Variants in PLD5 observed in about 807,000 individuals in gnomAD.
PLD5 encodes the protein inactive phospholipase D5.
A neutral mutation model predicts 61.1 loss-of-function variants in PLD5; 36 were observed. The ratio of observed to expected loss-of-function variants is 0.59; its 90% CI spans 0.45 to 0.78. The LOEUF (loss-of-function observed/expected upper bound fraction) is 0.78. Ranked by LOEUF, PLD5 falls within the 30% of genes least tolerant of loss-of-function variation. PLD5 has a pLI of 0.00. For synonymous variants in PLD5, 243 were observed against 242.8 expected (o/e 1.00, Z -0.01); for missense variants, 515 against 644.4 (o/e 0.80, Z 2.17).
chr1:242,422,078 A>G (rs907487387), intron 1 of PLD5, among the ~76,000 whole-genome samples: 2 of 152,184 alleles, frequency 1.3e-5, no homozygotes, highest in Non-Finnish European at 2.9e-5. Flanking sequence ...TCTGCTTCCT[A>G]AGTATTTTTA....
Position 242,524,173 on chromosome 1 carries a change from C to A in PLD5, c.104G>T (p.Arg35Leu), listed in dbSNP as rs1669368598. 6.5e-7 allele frequency: 1 copy of A among 1,535,426 alleles called. No individual in the cohort carries two copies. Among genetic ancestry groups the A allele is most frequent in the Non-Finnish European group, 8.7e-7 (1 of 1,146,530 alleles). ...RPKEPSPSLT[R>L]VGANFYSSVK... ...GCTGCTGTAGAAGTTCGCGCCCACT[C>A]GGGTCAGGCTTGGGGAGGGCTCCTT... The change falls in exon 1 of 10, where the codon CGA becomes CTA. Residue 35 changes from arginine to leucine, a missense_variant. Physicochemically the swap from Arg to Leu is moderately radical, Grantham distance 102 (BLOSUM62 -2). Around this residue, in one of 2 missense-constraint regions of PLD5, gnomAD observed 65 missense variants for 46.3 expected, o/e 1.40. Transcript: ENST00000536534.
At chr1:242,368,906 CTT>C (rs770219623) in intron 1 of PLD5, among the ~76,000 whole-genome samples, 139 of 152,288 alleles carry the variant, frequency 9.1e-4, no homozygotes, top group East Asian at 1.3e-3. Flanking sequence ...GCCGAGGACT[CTT>C]TTGCCCTCAC....
At chr1:242,339,568 T>C (rs1318337269) in intron 2 of PLD5, among the ~76,000 whole-genome samples, 1 of 152,222 alleles carries the variant, frequency 6.6e-6, no homozygotes, top group African/African-American at 2.4e-5. Context: ...CCCTTGAGTC[T>C]CTGCCAAAAT....
chr1:242,301,847 G>T (rs1676063857), intron 2 of PLD5, among the ~76,000 whole-genome samples: 1 of 150,924 alleles, frequency 6.6e-6, no homozygotes, highest in South Asian at 2.1e-4. Context: ...GTGAGATCTT[G>T]GCTCACTGCA....
intron 4 of PLD5, among the ~76,000 whole-genome samples, chr1:242,241,910 T>TATATATACAC (rs1210639780): frequency 1.2e-4 from 6 of 50,400 alleles, no homozygotes; most frequent in Non-Finnish European, 1.9e-4. Context: ...TATATATATA[T>TATATATACAC]ACTTACTGTA....
chr1:242,349,386 C>A (rs912226851), intron 1 of PLD5, among the ~76,000 whole-genome samples: 1 of 152,224 alleles, frequency 6.6e-6, no homozygotes, highest in Non-Finnish European at 1.5e-5. Context: ...GCAAGTCCAG[C>A]TCCCACTTCT....
chr1:242,414,448 T>A (rs1173471418), intron 1 of PLD5, among the ~76,000 whole-genome samples: 2 of 152,118 alleles, frequency 1.3e-5, no homozygotes, highest in African/African-American at 4.8e-5. Flanking sequence ...ACATGAATAA[T>A]TTTCAAGTCA....
intron 6 of PLD5, among the ~76,000 whole-genome samples, chr1:242,123,998 G>T (rs898449866): frequency 6.6e-6 from 1 of 152,140 alleles, no homozygotes; most frequent in African/African-American, 2.4e-5. Context: ...GCTTTTGTCT[G>T]ATCTATACAC....
intron 1 of PLD5, among the ~76,000 whole-genome samples, chr1:242,503,765 C>T (rs1251377180): frequency 1.3e-5 from 2 of 152,116 alleles, no homozygotes; most frequent in Admixed American, 1.3e-4. Context: ...CAAGTGCTCT[C>T]TTTTGGCCTT....
intron 1 of PLD5, among the ~76,000 whole-genome samples, chr1:242,470,126 G>T (rs867657061): frequency 1.3e-4 from 20 of 152,190 alleles, no homozygotes; most frequent in Middle Eastern, 3.4e-3. Context: ...CGGATCACGA[G>T]GTCAGGAGAT....
At chr1:242,459,878 A>G (rs1013398196) in intron 1 of PLD5, among the ~76,000 whole-genome samples, 1 of 152,128 alleles carries the variant, frequency 6.6e-6, no homozygotes, top group South Asian at 2.1e-4. Flanking sequence ...TATGGATAAG[A>G]TAGGGCTATA....
intron 1 of PLD5, among the ~76,000 whole-genome samples, chr1:242,514,449 G>T (rs1365557825): frequency 6.6e-6 from 1 of 152,112 alleles, no homozygotes; most frequent in African/African-American, 2.4e-5. Context: ...CTAAACAATT[G>T]CTCCTGGAAG....
In PLD5 at chr1:242,256,539, C is replaced by T. The variant is rs1673027037; in HGVS notation, c.607+8798G>A. On this transcript the variant is annotated intron_variant, in intron 4 of 9. Coordinates refer to ENST00000536534, the MANE Select transcript of PLD5 (RefSeq NM_001372062.1). The surrounding 1 kb of genome is among the most constrained non-coding windows in gnomAD (Gnocchi z 5.7). ...CTTTTGTGCCCTTCTGTCTTATCCG[C>T]CACGTGAGGACACAGCGTTTGTTCC... is the stretch of plus-strand genomic sequence containing the variant. 6.6e-6 allele frequency among the ~76,000 whole-genome samples: 1 copy of T among 152,126 alleles called. No individual in the cohort carries two copies. The highest frequency in any genetic ancestry group is 1.9e-4 in the East Asian group (1 of 5,194).
chr1:242,463,707 A>G (rs11589847), intron 1 of PLD5, among the ~76,000 whole-genome samples: 68,002 of 151,620 alleles, frequency 0.45, 17,223 homozygotes, highest in African/African-American at 0.69. Flanking sequence ...GCCTCTACTT[A>G]TACCCGTATC....
intron 1 of PLD5, among the ~76,000 whole-genome samples, chr1:242,431,928 A>C (rs1665741407): frequency 6.6e-6 from 1 of 152,234 alleles, no homozygotes; most frequent in Non-Finnish European, 1.5e-5. Context: ...CGTAAGAGGT[A>C]AGTCAATGAC....
chr1:242,291,723 A>G (rs2149142748), intron 2 of PLD5, among the ~76,000 whole-genome samples: 1 of 152,144 alleles, frequency 6.6e-6, no homozygotes, highest in South Asian at 2.1e-4. Flanking sequence ...GGAGAATGGC[A>G]TGAACCCTGG....
chr1:242,356,116 C>G (rs562088186), intron 1 of PLD5, among the ~76,000 whole-genome samples: 2 of 151,724 alleles, frequency 1.3e-5, no homozygotes, highest in African/African-American at 4.8e-5. Context: ...AAATGTTGCT[C>G]AAGTCCACTG....
intron 1 of PLD5, among the ~76,000 whole-genome samples, chr1:242,375,541 C>T (rs768347174): frequency 2.0e-5 from 3 of 152,132 alleles, no homozygotes; most frequent in South Asian, 4.1e-4. Flanking sequence ...CAAGACCTTT[C>T]GAGGAACCGA....
chr1:242,278,651 A>T (rs1674546768), intron 3 of PLD5, among the ~76,000 whole-genome samples: 1 of 152,172 alleles, frequency 6.6e-6, no homozygotes, highest in African/African-American at 2.4e-5. Flanking sequence ...GTGTTGTTCT[A>T]CTATGCTGTA....
Sources: gnomAD v4.1 joint callset for allele counts (sites outside exome capture counted in the v4.1 genomes callset) on GRCh38, gnomAD v4.1.1 for gene constraint, gnomAD v4.1.1 regional missense constraint, Gnocchi (gnomAD v3.1) non-coding constraint, MANE v1.5 for transcripts, NCBI Gene and HGNC (gene_info 2026-07-23, HGNC 2026-07-21) for gene names.